The following SYNE2 variants were observed in gnomAD, a reference collection of about 807,000 sequenced individuals.
SYNE2 encodes spectrin repeat containing nuclear envelope protein 2, also known as nesprin-2.
A neutral mutation model predicts 856.3 loss-of-function variants in SYNE2; 431 were observed. The ratio of observed to expected loss-of-function variants is 0.50; its 90% CI spans 0.47 to 0.55. The LOEUF (loss-of-function observed/expected upper bound fraction) is 0.55. SYNE2 is among the 20% of genes least tolerant of loss of function. SYNE2 has a pLI of 0.00. For missense variants in SYNE2, 8,129 were observed against 8,023.2 expected, an observed-to-expected ratio of 1.01 and a Z score of -0.50; for synonymous variants, 2,923 against 2,872.3, an observed-to-expected ratio of 1.02 and a Z score of -0.56.
Position 64,093,516 on chromosome 14 carries a change from T to C in SYNE2, c.12108+36T>C, listed in dbSNP as rs3737164. The C allele has an allele frequency of 2.2e-3, 3,582 of 1,613,486 alleles. 77 individuals are homozygous for C. The East Asian group carries it at 0.035, about 16-fold the overall frequency. On this transcript the variant is annotated intron_variant, in intron 61 of 115. Coordinates refer to ENST00000555002, the MANE Select transcript of SYNE2 (RefSeq NM_182914.3). The stretch of plus-strand genomic sequence containing the variant: ...TTCATTCATAAAGGTATGTTTCATT[T>C]GTCCATCAGTGCATTTATTTAATAC...
intron 74 of SYNE2, 71 bp downstream of exon 74, chr14:64,128,624 T>A: frequency 1.1e-6 from 1 of 914,382 alleles, no homozygotes; most frequent in Non-Finnish European, 1.8e-6. Context: ...GCCGTGCTTC[T>A]GAACTACTTT....
rs1886565324 is a variant in SYNE2 at position 63,763,462 on chromosome 14, G to A, written c.-305+1476G>A. 1.3e-5 allele frequency among the ~76,000 whole-genome samples: 2 copies of A among 151,818 alleles called. 1 individual carries two copies. Among genetic ancestry groups the A allele is most frequent in the South Asian group, 4.2e-4 (2 of 4,806 alleles). On this transcript the variant is annotated intron_variant, in intron 1 of 23. Coordinates refer to the SYNE2 transcript ENST00000674003. ...TGGTGGGTCAGGCTTGTAATCTCAG[G>A]ACTTTGGAAAGCCAAGGCAGGAGGA...
At chr14:63,784,314 A>T (rs1887431723) in intron 1 of SYNE2, among the ~76,000 whole-genome samples, 1 of 145,672 alleles carries the variant, frequency 6.9e-6, no homozygotes, top group South Asian at 2.4e-4. Context: ...AATATGGTGA[A>T]ACCCTGTCTC....
intron 108 of SYNE2, 68 bp from the exon 109 acceptor site, chr14:64,218,330 T>C: frequency 1.2e-5 from 17 of 1,396,638 alleles, no homozygotes; most frequent in Non-Finnish European, 1.5e-5. Context: ...TAATATGAAA[T>C]GAATCCAGTT....
Position 64,119,471 on chromosome 14 carries a change from G to T in SYNE2, c.12885G>T (p.Glu4295Asp). The T allele has an allele frequency of 3.1e-6, 5 of 1,614,210 alleles. No homozygotes were observed. In the South Asian group the frequency reaches 5.5e-5, roughly 18 times the overall value. The part of the protein sequence containing the change: ...EIEHKVAFLL[E>D]TCKDQGLGDN... ...AGCACAAGGTTGCCTTTCTGTTAGA[G>T]ACTTGCAAAGATCAGGGCCTGGGAG... is the stretch of plus-strand genomic sequence containing the variant. Residue 4295 changes from glutamate (E) to aspartate (D), a missense_variant, in exon 67 of 116, where the codon GAG becomes GAT. Physicochemically the swap from Glu to Asp is conservative, Grantham distance 45. Transcript: ENST00000555002.
chr14:63,779,498 C>T (rs1412488358), intron 1 of SYNE2, among the ~76,000 whole-genome samples: 2 of 150,198 alleles, frequency 1.3e-5, no homozygotes, highest in Admixed American at 6.6e-5. Flanking sequence ...CAGAGCTAAC[C>T]TCACACAATC....
chr14:64,170,096 G>T (rs2098403395), intron 93 of SYNE2, 132 bp from the exon 94 acceptor site: 1 of 821,238 alleles, frequency 1.2e-6, no homozygotes, highest in Non-Finnish European at 2.1e-6. Flanking sequence ...TAGCACTCAG[G>T]TGTTTAGAAG....
intron 109 of SYNE2, 33 bp downstream of exon 109, chr14:64,218,545 G>A: frequency 6.3e-7 from 1 of 1,597,640 alleles, no homozygotes; most frequent in Non-Finnish European, 8.6e-7. Flanking sequence ...GTCCAGAGAG[G>A]CAGAGTATGG....
At chr14:64,141,753 A>G (rs1212787471) in intron 81 of SYNE2, among the ~76,000 whole-genome samples, 189 bp from the exon 82 acceptor site, 2 of 151,874 alleles carry the variant, frequency 1.3e-5, no homozygotes, top group African/African-American at 4.8e-5. Context: ...GTGTTAGTTT[A>G]TGTGAAGGTC....
intron 96 of SYNE2, among the ~76,000 whole-genome samples, chr14:64,180,950 T>G (rs942632571): frequency 4.6e-5 from 7 of 152,366 alleles, no homozygotes; most frequent in Non-Finnish European, 7.3e-5. Context: ...GAAATGTAAT[T>G]GGTCTTTGCA....
At chr14:64,149,295 C>T (rs1309556175) in intron 84 of SYNE2, among the ~76,000 whole-genome samples, 2 of 151,930 alleles carry the variant, frequency 1.3e-5, no homozygotes, top group Non-Finnish European at 1.5e-5. Context: ...AAGACCCCAT[C>T]TCTAAAAAAA....
chr14:64,051,546 TC>T lies in SYNE2; in HGVS notation c.7644-10del, dbSNP rs2097227051. The T allele has an allele frequency of 1.2e-6, 2 of 1,604,328 alleles. No homozygotes were observed. Among genetic ancestry groups the T allele is most frequent in the Non-Finnish European group, 1.7e-6 (2 of 1,176,258 alleles). On this transcript the variant is annotated splice_polypyrimidine_tract_variant and intron_variant, in intron 47 of 115. Coordinates refer to ENST00000555002, the MANE Select transcript of SYNE2 (RefSeq NM_182914.3). ...AAATATTAACAAGCTCTATTTTTAT[TC>T]TTTTTCTAGAGGACCACTGGACAGT...
intron 14 of SYNE2, 30 bp from the exon 15 acceptor site, chr14:63,980,624 C>A: frequency 7.0e-7 from 1 of 1,430,548 alleles, no homozygotes; most frequent in Non-Finnish European, 9.8e-7. Flanking sequence ...AAAGTAAAAA[C>A]TGTCAATATG....
At chr14:63,837,051 G>T (rs777660857) in intron 1 of SYNE2, among the ~76,000 whole-genome samples, 2 of 152,138 alleles carry the variant, frequency 1.3e-5, no homozygotes, top group Non-Finnish European at 2.9e-5. Context: ...AAGTAATGCT[G>T]CCACAACAAG....
At chr14:64,218,838 C>G (rs983836553) in intron 109 of SYNE2, among the ~76,000 whole-genome samples, 1 of 152,182 alleles carries the variant, frequency 6.6e-6, no homozygotes, top group African/African-American at 2.4e-5. Context: ...CTTCATTCGA[C>G]CAGCCCAGTA....
At chr14:63,964,744 G>A (rs961743212) in intron 10 of SYNE2, among the ~76,000 whole-genome samples, 10 of 151,750 alleles carry the variant, frequency 6.6e-5, no homozygotes, top group East Asian at 1.9e-4. Flanking sequence ...GGCTGGTCTC[G>A]AACTCCTGAC....
chr14:63,998,293 G>A lies in SYNE2; in HGVS notation c.3318G>A (p.Lys1106=), dbSNP rs374026048. Residue 1106 remains lysine, a synonymous_variant, in exon 26 of 116, where the codon AAG becomes AAA. Transcript: ENST00000555002. ...TGCAAGAAGAAAGCATTATGGAAAA[G>A]GATTACAGTGCATCTATAAATAGTT... ...RPLQEESIME[K]DYSASINSLL... 204 of 1,613,620 alleles carry A rather than the reference G, an allele frequency of 1.3e-4. No individual in the cohort carries two copies. The African/African-American group carries it at 2.5e-3, about 20-fold the overall frequency.
intron 61 of SYNE2, 84 bp from the exon 62 acceptor site, chr14:64,097,865 C>T: frequency 1.5e-6 from 2 of 1,368,644 alleles, no homozygotes; most frequent in East Asian, 2.3e-5. Flanking sequence ...AAATCTTCAG[C>T]CCTTGTACCA....
intron 45 of SYNE2, among the ~76,000 whole-genome samples, chr14:64,046,350 T>C (rs1241651619): frequency 6.6e-6 from 1 of 152,202 alleles, no homozygotes; most frequent in Non-Finnish European, 1.5e-5. Flanking sequence ...ATTTATCCTT[T>C]CTTTGTTTTT....
Sources: gnomAD v4.1 joint callset for allele counts (sites outside exome capture counted in the v4.1 genomes callset) on GRCh38, gnomAD v4.1.1 for gene constraint, MANE v1.5 for transcripts, NCBI Gene and HGNC (gene_info 2026-07-23, HGNC 2026-07-21) for gene names.